The following FUT8 variants were observed in gnomAD, a reference collection of about 807,000 sequenced individuals.
The protein encoded by FUT8 is alpha-(1,6)-fucosyltransferase.
FUT8 carries 29 observed loss-of-function variants against 71.3 expected under a neutral mutation model. The observed-to-expected ratio is 0.41, with a 90% CI of 0.30 to 0.55. The LOEUF (loss-of-function observed/expected upper bound fraction) is 0.55, where lower values mean the gene tolerates loss of function less well. Among genes scored for constraint, FUT8 ranks in the 20% least tolerant of loss-of-function variants. The pLI is 0.34. For missense variants in FUT8, 544 were observed against 702.1 expected, an observed-to-expected ratio of 0.77 and a Z score of 2.55; for synonymous variants, 254 against 239.3, an observed-to-expected ratio of 1.06 and a Z score of -0.57.
rs138053701 is a variant in FUT8 at position 65,675,950 on chromosome 14, T to C, written c.835+6470T>C. 6.9e-3 allele frequency among the ~76,000 whole-genome samples: 1,047 copies of C among 152,114 alleles called. 17 individuals carry two copies. Among genetic ancestry groups the C allele is most frequent in the African/African-American group, 0.023 (974 of 41,506 alleles). On this transcript the variant is annotated intron_variant, in intron 7 of 10. Coordinates refer to ENST00000673929, the MANE Select transcript of FUT8 (RefSeq NM_001371533.1). Reference sequence around the variant, plus strand: ...AGGCGGAGCTTGCAGTGAGCCGAGATCGCGCCACTGCACTCCAGCCTGAGC... The same window carrying C: ...AGGCGGAGCTTGCAGTGAGCCGAGACCGCGCCACTGCACTCCAGCCTGAGC...
chr14:65,611,274 CA>C (rs1888963436), intron 3 of FUT8, among the ~76,000 whole-genome samples: 3 of 59,116 alleles, frequency 5.1e-5, no homozygotes, highest in Non-Finnish European at 3.2e-5. Flanking sequence ...CACACACACA[CA>C]CACACACACA....
intron 3 of FUT8, among the ~76,000 whole-genome samples, chr14:65,577,813 A>G (rs1886873416): frequency 6.6e-6 from 1 of 152,150 alleles, no homozygotes; most frequent in African/African-American, 2.4e-5. Flanking sequence ...ATAGTTAAAT[A>G]TATACTAGGT....
chr14:65,586,820 TG>T (rs1887411527), intron 3 of FUT8, among the ~76,000 whole-genome samples: 1 of 152,222 alleles, frequency 6.6e-6, no homozygotes, highest in Non-Finnish European at 1.5e-5. Flanking sequence ...CCTCTAATTT[TG>T]TAAAAGCTTT....
intron 2 of FUT8, chr14:65,488,272 A>G (rs938218613): frequency 2.6e-5 from 4 of 152,184 alleles, no homozygotes; most frequent in African/African-American, 9.7e-5. Flanking sequence ...ACACATCTTC[A>G]ACTTAAATTG....
chr14:65,729,352 T>C (rs914151865), intron 9 of FUT8, among the ~76,000 whole-genome samples: 2 of 152,126 alleles, frequency 1.3e-5, no homozygotes, highest in Non-Finnish European at 2.9e-5. Flanking sequence ...ACATATACGC[T>C]GTACAGATAT....
chr14:65,617,332 T>C (rs1307757527), intron 5 of FUT8: 3 of 962,376 alleles, frequency 3.1e-6, no homozygotes, highest in African/African-American at 1.7e-5. Flanking sequence ...AGAAATATGA[T>C]AGCATGGATT....
At chr14:65,657,468 A>T (rs891102583) in intron 6 of FUT8, among the ~76,000 whole-genome samples, 2 of 152,156 alleles carry the variant, frequency 1.3e-5, no homozygotes, top group African/African-American at 4.8e-5. Flanking sequence ...TGATACCTAT[A>T]CACAATGGAG....
intron 2 of FUT8, among the ~76,000 whole-genome samples, chr14:65,505,384 C>T (rs1566789756): frequency 6.9e-6 from 1 of 144,788 alleles, no homozygotes; most frequent in South Asian, 2.2e-4. Flanking sequence ...GCAATCTCGG[C>T]TCACTGCAAG....
chr14:65,482,243 C>G (rs996719947), intron 2 of FUT8, among the ~76,000 whole-genome samples: 9 of 151,776 alleles, frequency 5.9e-5, no homozygotes, highest in African/African-American at 2.2e-4. Context: ...GGTTTGTGTC[C>G]TTTTGATTTT....
the FUT8 span, among the ~76,000 whole-genome samples, chr14:65,390,292 C>T: frequency 6.8e-6 from 1 of 146,202 alleles, no homozygotes; most frequent in Non-Finnish European, 1.5e-5. Flanking sequence ...CACTGCACTC[C>T]AGCCTGGCGA....
intron 2 of FUT8, among the ~76,000 whole-genome samples, chr14:65,543,052 G>A (rs894569040): frequency 1.3e-5 from 2 of 152,182 alleles, no homozygotes; most frequent in African/African-American, 4.8e-5. Flanking sequence ...AAAGTGCTGG[G>A]ATTACAGGCG....
intron 3 of FUT8, among the ~76,000 whole-genome samples, chr14:65,571,165 A>G (rs534949736): frequency 6.6e-6 from 1 of 152,172 alleles, no homozygotes; most frequent in South Asian, 2.1e-4. Flanking sequence ...TGAAGTTTTT[A>G]TTTTAACAGT....
intron 7 of FUT8, among the ~76,000 whole-genome samples, chr14:65,697,370 T>C (rs1880648105): frequency 6.6e-6 from 1 of 152,204 alleles, no homozygotes. Flanking sequence ...TGTGATGGTA[T>C]GGTTTGTGGG....
intron 7 of FUT8, among the ~76,000 whole-genome samples, chr14:65,699,006 C>G (rs1894139752): frequency 6.6e-6 from 1 of 151,966 alleles, no homozygotes; most frequent in Admixed American, 6.6e-5. Flanking sequence ...TTTTCTGTAC[C>G]ACTTCTGTGT....
At position 65,669,666 on chromosome 14, in the gene FUT8, C is replaced by A. The variant is rs146230803; in HGVS notation, c.835+186C>A. Among the ~76,000 whole-genome samples, 459 of 152,226 alleles carry A rather than the reference C, an allele frequency of 3.0e-3. 1 individual carries two copies. The highest frequency in any genetic ancestry group is 5.3e-3 in the Non-Finnish European group (362 of 68,012). On this transcript the variant is annotated intron_variant, in intron 7 of 10. Transcript: ENST00000673929. This position sits in a 1 kb window ranked among gnomAD's most constrained non-coding sequence, Gnocchi z 4.5. ...CTTAAAAGTATTTTATTATGTATTT[C>A]ATTTCTGATGCTCATTTTTATGTGA...
intron 7 of FUT8, among the ~76,000 whole-genome samples, chr14:65,695,122 C>T (rs1372668965): frequency 4.6e-5 from 7 of 151,930 alleles, no homozygotes; most frequent in Middle Eastern, 3.4e-3. Flanking sequence ...CCTGTGAACT[C>T]GAGAAGAATG....
At chr14:65,636,027 G>A (rs946633046) in intron 6 of FUT8, among the ~76,000 whole-genome samples, 4 of 151,536 alleles carry the variant, frequency 2.6e-5, no homozygotes, top group Non-Finnish European at 4.4e-5. Flanking sequence ...GCTTGTTATT[G>A]TTCTGTTCAG....
the FUT8 span, among the ~76,000 whole-genome samples, chr14:65,378,837 GTTTTTTTT>G: frequency 1.0e-4 from 7 of 66,850 alleles, no homozygotes; most frequent in South Asian, 8.4e-4. Context: ...TCACAAGAAG[GTTTTTTTT>G]TTTTTTTTTT....
At chr14:65,700,324 T>A (rs1345251453) in intron 7 of FUT8, among the ~76,000 whole-genome samples, 4 of 151,910 alleles carry the variant, frequency 2.6e-5, no homozygotes, top group African/African-American at 9.7e-5. Flanking sequence ...GAATTTTACA[T>A]ATTGTATAAA....
Sources: gnomAD v4.1 joint callset for allele counts (sites outside exome capture counted in the v4.1 genomes callset) on GRCh38, gnomAD v4.1.1 for gene constraint, Gnocchi (gnomAD v3.1) non-coding constraint, MANE v1.5 for transcripts, NCBI Gene and HGNC (gene_info 2026-07-23, HGNC 2026-07-21) for gene names.